CACUL1: variants seen among roughly 807,000 people sequenced by gnomAD.
The protein encoded by CACUL1 is CDK2-associated and cullin domain-containing protein 1.
In CACUL1, 13 loss-of-function variants were observed where a neutral mutation model predicts 45.2. The observed-to-expected ratio is 0.29, with a 90% CI of 0.19 to 0.46. The LOEUF is 0.46. Ranked by LOEUF, CACUL1 falls within the 20% of genes least tolerant of loss-of-function variation. CACUL1 has a pLI of 1.00. For synonymous variants in CACUL1, 197 were observed against 174.2 expected (o/e 1.13, Z -1.03); for missense variants, 421 against 471.4 (o/e 0.89, Z 0.99).
At chr10:118,704,214 G>GAAAAAAAA (rs563822145) in intron 4 of CACUL1, among the ~76,000 whole-genome samples, 1 of 129,702 alleles carries the variant, frequency 7.7e-6, no homozygotes. Context: ...CATCGCTACT[G>GAAAAAAAA]AAAAAAAAAA....
At chr10:118,718,513 A>T (rs953016612) in intron 3 of CACUL1, among the ~76,000 whole-genome samples, 3 of 152,232 alleles carry the variant, frequency 2.0e-5, no homozygotes, top group Admixed American at 2.0e-4. Flanking sequence ...GCACCAGCAG[A>T]GTTAAGCACA....
At chr10:118,714,118 G>A (rs1845519213) in intron 3 of CACUL1, among the ~76,000 whole-genome samples, 1 of 152,148 alleles carries the variant, frequency 6.6e-6, no homozygotes, top group Non-Finnish European at 1.5e-5. Flanking sequence ...TTAGAGCCTA[G>A]CTTAATAGAA....
rs1219337868 is a variant in CACUL1, at chr10:118,685,187, T to C, written c.*941A>G. The C allele has an allele frequency of 7.2e-6, 1 of 138,382 alleles. No individual in the cohort carries two copies. Among genetic ancestry groups the C allele is most frequent in the Non-Finnish European group, 1.6e-5 (1 of 61,658 alleles). 8.6% of individuals were successfully genotyped at this position (138,382 alleles called of 1,614,324 possible). ...CTGCTTCCTAGAGCATCGCAGGAAG[T>C]AGCTCTCAATAATACTAAGGGAAGC... On this transcript the variant is annotated 3_prime_UTR_variant, in exon 9 of 9. Transcript: ENST00000369151.
chr10:118,754,482 C>T lies in CACUL1; in HGVS notation c.281G>A (p.Cys94Tyr). Residue 94 changes from cysteine to tyrosine, a missense_variant, in exon 1 of 9, where the codon TGC becomes TAC. By Grantham distance (194) the Cys-to-Tyr change is radical (BLOSUM62 -2). Coordinates refer to ENST00000369151, the MANE Select transcript of CACUL1 (RefSeq NM_153810.5). ...ANGVIMMLKS[C>Y]DAAAAVAKAA... ...CTTGGCCACGGCGGCGGCCGCGTCG[C>T]AGCTCTTCAACATCATGATCACCCC... 2 of 1,612,064 alleles carry T rather than the reference C, an allele frequency of 1.2e-6. No homozygotes were observed. The highest frequency in any genetic ancestry group is 1.7e-5 in the Admixed American group (1 of 59,866).
At chr10:118,720,804 T>C (rs1845592928) in intron 3 of CACUL1, among the ~76,000 whole-genome samples, 2 of 152,192 alleles carry the variant, frequency 1.3e-5, no homozygotes, top group Admixed American at 6.5e-5. Context: ...GATAGTAAAC[T>C]TATTAGAATC....
intron 5 of CACUL1, 76 bp downstream of exon 5, chr10:118,701,230 C>T (rs1370289964): frequency 7.5e-6 from 6 of 796,156 alleles, no homozygotes; most frequent in Non-Finnish European, 9.8e-6. Context: ...CGTGACAATG[C>T]TCTCAGACCA....
intron 5 of CACUL1, 75 bp from the exon 6 acceptor site, chr10:118,695,305 A>G: frequency 1.2e-6 from 1 of 828,242 alleles, no homozygotes. Flanking sequence ...TGTTTCTCCC[A>G]AAGACTCCTG....
At chr10:118,691,822 G>A (rs1473620514) in intron 6 of CACUL1, among the ~76,000 whole-genome samples, 10 of 130,126 alleles carry the variant, frequency 7.7e-5, no homozygotes, top group East Asian at 2.4e-4. Context: ...AGCCGAGATC[G>A]CACCACTGCA....
chr10:118,736,836 G>A (rs1845745299), intron 1 of CACUL1, among the ~76,000 whole-genome samples: 1 of 151,700 alleles, frequency 6.6e-6, no homozygotes, highest in South Asian at 2.1e-4. Flanking sequence ...TGCTTTTACT[G>A]TACCTTTTCT....
intron 7 of CACUL1, 131 bp from the exon 8 acceptor site, chr10:118,686,772 A>G (rs1845212178): frequency 1.5e-6 from 1 of 676,552 alleles, no homozygotes; most frequent in Non-Finnish European, 2.7e-6. Context: ...ATACATATTA[A>G]ACATCTTAGA....
rs368121522 is a variant in CACUL1, at chr10:118,695,169, A to G, written c.858T>C (p.Ile286=). ...FQVTPSTMAN[I]VKGLYTLRPE... is the part of the protein sequence containing the mutation. ...GTCTGAGGGTATACAGGCCTTTCACAATATTTGCCATAGTTGAAGGTGTGA... is the reference window on the plus strand; with the variant it reads ...GTCTGAGGGTATACAGGCCTTTCACGATATTTGCCATAGTTGAAGGTGTGA... The change falls in exon 6 of 9, where the codon ATT becomes ATC. Residue 286 remains isoleucine (I), a synonymous_variant. Coordinates refer to ENST00000369151, the MANE Select transcript of CACUL1 (RefSeq NM_153810.5). 2.7e-5 allele frequency: 44 copies of G among 1,606,254 alleles called. No homozygotes were observed. In the African/African-American group the frequency reaches 5.5e-4, roughly 20 times the overall value.
chr10:118,677,312 T>C lies in CACUL1; in HGVS notation c.*8816A>G, dbSNP rs982449751. On this transcript the variant is annotated 3_prime_UTR_variant, in exon 9 of 9. Transcript: ENST00000369151. ...TTCACTTTCAATGGGGATTTTCCTA[T>C]TTTCATCTGTTTATACTTCCATGAG... 1.3e-5 allele frequency: 2 copies of C among 152,188 alleles called. No individual in the cohort carries two copies. Among genetic ancestry groups the C allele is most frequent in the Non-Finnish European group, 2.9e-5 (2 of 68,036 alleles). The allele number at this position is 152,188 out of a possible 1,614,324, so 9.4% of individuals were successfully genotyped here.
chr10:118,706,048 TA>T (rs1170629823), intron 4 of CACUL1, among the ~76,000 whole-genome samples: 1 of 152,230 alleles, frequency 6.6e-6, no homozygotes, highest in African/African-American at 2.4e-5. Context: ...ACAGACCTCT[TA>T]AACCCCAGGA....
At chr10:118,732,958 G>A (rs989433919) in intron 1 of CACUL1, among the ~76,000 whole-genome samples, 9 of 152,072 alleles carry the variant, frequency 5.9e-5, no homozygotes, top group African/African-American at 9.7e-5. Context: ...TCTCTACACC[G>A]AAAGTTGAGA....
At chr10:118,719,306 A>G (rs1454373713) in intron 3 of CACUL1, among the ~76,000 whole-genome samples, 1 of 152,190 alleles carries the variant, frequency 6.6e-6, no homozygotes, top group African/African-American at 2.4e-5. Context: ...GATCCTTAAT[A>G]CTATTTTCTC....
chr10:118,705,073 A>C (rs934275815), intron 4 of CACUL1, among the ~76,000 whole-genome samples: 3 of 152,252 alleles, frequency 2.0e-5, no homozygotes, highest in African/African-American at 7.2e-5. Flanking sequence ...ATTCAGAGTA[A>C]GTCTGAAGTT....
At chr10:118,691,877 A>C (rs1211657833) in intron 6 of CACUL1, among the ~76,000 whole-genome samples, 3 of 85,928 alleles carry the variant, frequency 3.5e-5, no homozygotes, top group South Asian at 5.1e-4. Flanking sequence ...AAAAAAAAAA[A>C]AAAAAAAAAA....
intron 1 of CACUL1, among the ~76,000 whole-genome samples, chr10:118,751,143 G>A (rs1845894294): frequency 6.6e-6 from 1 of 152,138 alleles, no homozygotes; most frequent in Non-Finnish European, 1.5e-5. Flanking sequence ...TCTTGTTGAT[G>A]TATAGTAAGT....
intron 1 of CACUL1, among the ~76,000 whole-genome samples, chr10:118,739,230 T>C (rs1055596510): frequency 2.0e-5 from 3 of 150,758 alleles, no homozygotes; most frequent in Non-Finnish European, 4.4e-5. Context: ...AAATACAACA[T>C]CAAGGAAATC....
Sources: allele counts gnomAD v4.1 joint callset (sites outside exome capture counted in the v4.1 genomes callset), GRCh38; gene constraint gnomAD v4.1.1; transcripts MANE v1.5; gene names NCBI Gene and HGNC (gene_info 2026-07-23, HGNC 2026-07-21).